Variants in RIOK3 observed in about 807,000 individuals in gnomAD.
RIOK3 encodes the protein serine/threonine-protein kinase RIO3.
In RIOK3, 40 loss-of-function variants were observed where a neutral mutation model predicts 63.5. The ratio of observed to expected loss-of-function variants is 0.63; its 90% CI spans 0.49 to 0.82. The LOEUF (loss-of-function observed/expected upper bound fraction) is 0.82, where lower values mean the gene tolerates loss of function less well. RIOK3 is among the 40% of genes least tolerant of loss of function. RIOK3 has a pLI of 0.00. For synonymous variants in RIOK3, 193 were observed against 205.0 expected (o/e 0.94, Z 0.50); for missense variants, 557 against 637.0 (o/e 0.87, Z 1.35).
chr18:23,469,360 TCC>T (rs1568384417), intron 7 of RIOK3, among the ~76,000 whole-genome samples: 1 of 2,106 alleles, frequency 4.7e-4, no homozygotes, highest in African/African-American at 1.5e-3. Context: ...CCTCTCTCCC[TCC>T]CTCCCTCCCT....
chr18:23,453,408 T>C lies in RIOK3; in HGVS notation c.-32T>C, dbSNP rs2057316170. On this transcript the variant is annotated 5_prime_UTR_variant, in exon 1 of 13. Coordinates refer to ENST00000339486, the MANE Select transcript of RIOK3 (RefSeq NM_003831.5). ...CCTGCTGCCCGTCCTGCCACCTCTC[T>C]GCTCTGTTCTTGTCTCTGCCTTCAT... is the stretch of plus-strand genomic sequence containing the variant. 1.9e-6 allele frequency: 3 copies of C among 1,587,470 alleles called. No homozygotes were observed. Among genetic ancestry groups the C allele is most frequent in the African/African-American group, 2.7e-5 (2 of 74,388 alleles).
chr18:23,473,722 A>C, intron 8 of RIOK3, 96 bp downstream of exon 8: 1 of 898,828 alleles, frequency 1.1e-6, no homozygotes, highest in Non-Finnish European at 1.7e-6. Context: ...ATTTATAGAA[A>C]TAATGAAAGG....
At chr18:23,476,895 G>A (rs1290854547) in intron 9 of RIOK3, 111 bp from the exon 10 acceptor site, 5 of 812,532 alleles carry the variant, frequency 6.2e-6, no homozygotes, top group Non-Finnish European at 9.8e-6. Context: ...CTGGGCGACA[G>A]AGTGAGACTC....
chr18:23,471,451 G>A (rs1446206880), intron 7 of RIOK3, among the ~76,000 whole-genome samples: 1 of 152,194 alleles, frequency 6.6e-6, no homozygotes. Context: ...GCTGGACCAG[G>A]TAGGATTTTG....
At chr18:23,475,754 G>A (rs1368712985) in intron 9 of RIOK3, among the ~76,000 whole-genome samples, 1 of 152,138 alleles carries the variant, frequency 6.6e-6, no homozygotes, top group Non-Finnish European at 1.5e-5. Context: ...CTATCAATAT[G>A]TGTGTGTCTT....
intron 9 of RIOK3, among the ~76,000 whole-genome samples, chr18:23,476,746 A>G (rs2057493557): frequency 6.6e-6 from 1 of 151,884 alleles, no homozygotes; most frequent in South Asian, 2.1e-4. Context: ...ATCTCTACTA[A>G]AAAAAATTAC....
intron 2 of RIOK3, 118 bp downstream of exon 2, chr18:23,463,197 A>G (rs1435145971): frequency 8.3e-6 from 5 of 603,436 alleles, no homozygotes; most frequent in Non-Finnish European, 1.5e-5. Flanking sequence ...CACCATATTG[A>G]GAGTCCAGTG....
At position 23,483,017 on chromosome 18, in the gene RIOK3, AC is replaced by A. The variant is rs1274676285; in HGVS notation, c.*1739del. ...ATTTTTAAAATCTTTAGCATTTAAA[AC>A]TTTTTTTGTTTTGTTTTCTGACATA... On this transcript the variant is annotated 3_prime_UTR_variant, in exon 13 of 13. Coordinates refer to ENST00000339486, the MANE Select transcript of RIOK3 (RefSeq NM_003831.5). 1 of 152,166 alleles carries A rather than the reference AC, an allele frequency of 6.6e-6. No homozygotes were observed. The highest frequency in any genetic ancestry group is 1.5e-5 in the Non-Finnish European group (1 of 68,028). 9.4% of individuals were successfully genotyped at this position (152,166 alleles called of 1,614,324 possible).
intron 1 of RIOK3, among the ~76,000 whole-genome samples, chr18:23,462,073 A>C (rs1370242141): frequency 6.8e-6 from 1 of 147,692 alleles, no homozygotes; most frequent in Non-Finnish European, 1.5e-5. Context: ...CCTGGGTGAC[A>C]GAGGAAACTG....
At chr18:23,475,540 G>A (rs1219638550) in intron 9 of RIOK3, among the ~76,000 whole-genome samples, 1 of 151,164 alleles carries the variant, frequency 6.6e-6, no homozygotes, top group Non-Finnish European at 1.5e-5. Context: ...AAGGTGGGAG[G>A]ATCACTTGCA....
At chr18:23,465,653 ATTTAAT>A (rs895558102) in intron 5 of RIOK3, among the ~76,000 whole-genome samples, 2 of 152,220 alleles carry the variant, frequency 1.3e-5, no homozygotes, top group Admixed American at 6.5e-5. Context: ...TGAATTTTTA[ATTTAAT>A]TTTAATTAAC....
chr18:23,479,591 T>G (rs1309404195), intron 12 of RIOK3, among the ~76,000 whole-genome samples, 167 bp downstream of exon 12: 1 of 152,042 alleles, frequency 6.6e-6, no homozygotes, highest in African/African-American at 2.4e-5. Context: ...TTCTTTTTTT[T>G]TTTGAGATGG....
At chr18:23,469,304 C>CTCT (rs2057431891) in intron 7 of RIOK3, among the ~76,000 whole-genome samples, 1 of 19,406 alleles carries the variant, frequency 5.2e-5, no homozygotes. Flanking sequence ...TTTCTTTCTT[C>CTCT]CTCTCTCTCT....
intron 7 of RIOK3, among the ~76,000 whole-genome samples, chr18:23,470,557 G>A (rs1188338841): frequency 6.6e-6 from 1 of 152,172 alleles, no homozygotes; most frequent in East Asian, 1.9e-4. Flanking sequence ...CCTCTGGTGA[G>A]TTAAGATGGG....
chr18:23,472,107 C>T (rs534663938), intron 7 of RIOK3, among the ~76,000 whole-genome samples: 37 of 152,012 alleles, frequency 2.4e-4, no homozygotes, highest in Non-Finnish European at 2.9e-4. Context: ...GTGGCATGCA[C>T]GTGTAATCCC....
At chr18:23,479,481 G>A in intron 12 of RIOK3, 57 bp downstream of exon 12, 1 of 967,468 alleles carries the variant, frequency 1.0e-6, no homozygotes, top group Non-Finnish European at 1.6e-6. Flanking sequence ...GCATAGAGGA[G>A]ATAACTGAAA....
At chr18:23,459,438 C>T (rs1251676566) in intron 1 of RIOK3, among the ~76,000 whole-genome samples, 2 of 152,160 alleles carry the variant, frequency 1.3e-5, no homozygotes, top group Non-Finnish European at 2.9e-5. Context: ...AGTCTCTACC[C>T]TTCAAGGGGT....
At chr18:23,470,322 G>A (rs538384255) in intron 7 of RIOK3, among the ~76,000 whole-genome samples, 37 of 150,450 alleles carry the variant, frequency 2.5e-4, no homozygotes, top group African/African-American at 8.3e-4. Context: ...CTGAGATCGC[G>A]CCACTGCACT....
intron 8 of RIOK3, among the ~76,000 whole-genome samples, chr18:23,473,950 G>A (rs183812042): frequency 6.6e-6 from 1 of 152,218 alleles, no homozygotes; most frequent in East Asian, 1.9e-4. Context: ...TTCAGAAAAT[G>A]TTTGTTGCAT....
Sources: gnomAD v4.1 joint callset for allele counts (sites outside exome capture counted in the v4.1 genomes callset) on GRCh38, gnomAD v4.1.1 for gene constraint, MANE v1.5 for transcripts, NCBI Gene and HGNC (gene_info 2026-07-23, HGNC 2026-07-21) for gene names.